The following SEMA3C variants were observed in gnomAD, a reference collection of about 807,000 sequenced individuals.
SEMA3C encodes semaphorin 3C.
SEMA3C carries 47 observed loss-of-function variants against 89.4 expected under a neutral mutation model. The observed-to-expected ratio is 0.53, with a 90% CI of 0.42 to 0.67. The LOEUF (loss-of-function observed/expected upper bound fraction) is 0.67, where lower values mean the gene tolerates loss of function less well. Among genes scored for constraint, SEMA3C ranks in the 30% least tolerant of loss-of-function variants. SEMA3C has a pLI of 0.00. For missense variants in SEMA3C, 839 were observed against 929.1 expected, an observed-to-expected ratio of 0.90 and a Z score of 1.26; for synonymous variants, 310 against 320.2, an observed-to-expected ratio of 0.97 and a Z score of 0.34.
intron 12 of SEMA3C, 48 bp from the exon 13 acceptor site, chr7:80,765,291 A>G: frequency 7.1e-7 from 1 of 1,406,602 alleles, no homozygotes; most frequent in East Asian, 2.3e-5. Flanking sequence ...TTTTTAAAAG[A>G]AAGCTATTTA....
chr7:80,813,644 T>C (rs1220074628), intron 5 of SEMA3C, among the ~76,000 whole-genome samples: 1 of 152,232 alleles, frequency 6.6e-6, no homozygotes, highest in African/African-American at 2.4e-5. Flanking sequence ...TTTCATCTTA[T>C]CTCGTCTTTT....
At chr7:80,764,921 C>A (rs922597379) in intron 13 of SEMA3C, among the ~76,000 whole-genome samples, 2 of 152,092 alleles carry the variant, frequency 1.3e-5, no homozygotes, top group African/African-American at 4.8e-5. Context: ...GTGATGATAG[C>A]TTAAAAACAG....
intron 4 of SEMA3C, among the ~76,000 whole-genome samples, chr7:80,825,277 C>T (rs193006074): frequency 2.2e-4 from 34 of 152,160 alleles, no homozygotes; most frequent in African/African-American, 7.2e-4. Context: ...CTTGCACAGA[C>T]CAAACATGTA....
intron 11 of SEMA3C, 86 bp downstream of exon 11, chr7:80,798,006 A>AC (rs1789107700): frequency 7.3e-7 from 1 of 1,374,320 alleles, no homozygotes; most frequent in East Asian, 2.6e-5. Flanking sequence ...TCAAAAAAAA[A>AC]CCCCAAAAAA....
intron 2 of SEMA3C, among the ~76,000 whole-genome samples, chr7:80,840,429 G>T (rs898211090): frequency 2.0e-5 from 3 of 150,524 alleles, no homozygotes; most frequent in Admixed American, 6.6e-5. Context: ...TGAGGTAGGA[G>T]GATCACTTGA....
Position 80,868,934 on chromosome 7 carries a change from C to T in SEMA3C, c.104-40189G>A, listed in dbSNP as rs187622094. On this transcript the variant is annotated intron_variant, in intron 2 of 17. Transcript: ENST00000265361. ...CGAGGTTTTCTTTTCAAAGGAAATG[C>T]TGCATTATAATACCAAAATGCATAC... Among the ~76,000 whole-genome samples the T allele has an allele frequency of 3.8e-4, 58 of 152,240 alleles. No individual in the cohort carries two copies. In the Middle Eastern group the frequency reaches 0.017, roughly 45 times the overall value.
chr7:80,771,824 C>T (rs1480465012), intron 12 of SEMA3C, among the ~76,000 whole-genome samples: 1 of 152,128 alleles, frequency 6.6e-6, no homozygotes, highest in Non-Finnish European at 1.5e-5. Flanking sequence ...TAAATGTATT[C>T]TAGTCAGGGC....
intron 5 of SEMA3C, among the ~76,000 whole-genome samples, chr7:80,813,714 A>C (rs1341456096): frequency 6.6e-6 from 1 of 152,138 alleles, no homozygotes. Flanking sequence ...TCATCTTAAT[A>C]ATTGGAGGCT....
chr7:80,763,002 T>A (rs2117055901), intron 13 of SEMA3C, among the ~76,000 whole-genome samples: 1 of 152,280 alleles, frequency 6.6e-6, no homozygotes, highest in East Asian at 1.9e-4. Context: ...ATTGTGACAA[T>A]TTTTGATCAT....
At chr7:80,829,666 A>G (rs747305015) in intron 2 of SEMA3C, among the ~76,000 whole-genome samples, 1 of 152,142 alleles carries the variant, frequency 6.6e-6, no homozygotes, top group Non-Finnish European at 1.5e-5. Flanking sequence ...CAGGATCCTC[A>G]GAGGTTAGTG....
chr7:80,896,895 T>C (rs1432563993), intron 2 of SEMA3C, among the ~76,000 whole-genome samples: 1 of 152,128 alleles, frequency 6.6e-6, no homozygotes, highest in African/African-American at 2.4e-5. Flanking sequence ...TTTCTCCCTG[T>C]GTATCTCAAT....
At chr7:80,903,806 G>C (rs1039256800) in intron 2 of SEMA3C, among the ~76,000 whole-genome samples, 2 of 152,054 alleles carry the variant, frequency 1.3e-5, no homozygotes, top group African/African-American at 4.8e-5. Context: ...TGATATACAA[G>C]GAAACAAATG....
intron 15 of SEMA3C, among the ~76,000 whole-genome samples, chr7:80,755,177 A>G (rs898003824): frequency 1.3e-5 from 2 of 151,598 alleles, no homozygotes; most frequent in Non-Finnish European, 1.5e-5. Context: ...GATATTGTAA[A>G]TGCAAAGAAC....
At chr7:80,762,678 T>C (rs1247572145) in intron 13 of SEMA3C, among the ~76,000 whole-genome samples, 1 of 152,040 alleles carries the variant, frequency 6.6e-6, no homozygotes, top group Non-Finnish European at 1.5e-5. Flanking sequence ...CTGAGTATGG[T>C]GGCGCATGCC....
At chr7:80,905,880 C>T (rs1792002150) in intron 2 of SEMA3C, 1 of 1,289,448 alleles carries the variant, frequency 7.8e-7, no homozygotes, top group Admixed American at 2.3e-5. Context: ...CTTTTTGTAC[C>T]CACAGATGTA....
chr7:80,761,223 G>T (rs1788175989), intron 14 of SEMA3C, among the ~76,000 whole-genome samples: 1 of 152,048 alleles, frequency 6.6e-6, no homozygotes, highest in African/African-American at 2.4e-5. Context: ...CAGGAACTCA[G>T]GATTGATTAC....
chr7:80,808,843 C>T (rs1490422844), intron 6 of SEMA3C, among the ~76,000 whole-genome samples: 6 of 152,134 alleles, frequency 3.9e-5, no homozygotes, highest in Admixed American at 2.6e-4. Context: ...GTCGTGATCT[C>T]GGCTCACCAC....
chr7:80,755,942 C>T (rs531333776), intron 15 of SEMA3C, among the ~76,000 whole-genome samples: 27 of 152,210 alleles, frequency 1.8e-4, no homozygotes, highest in Non-Finnish European at 2.8e-4. Flanking sequence ...TCCTCACTAG[C>T]GCCCAAATTA....
At chr7:80,902,919 A>G (rs1562977919) in intron 2 of SEMA3C, among the ~76,000 whole-genome samples, 1 of 152,180 alleles carries the variant, frequency 6.6e-6, no homozygotes, top group Non-Finnish European at 1.5e-5. Context: ...CAGAGACCTA[A>G]GCCAAGATTA....
Sources: allele counts gnomAD v4.1 joint callset (sites outside exome capture counted in the v4.1 genomes callset), GRCh38; gene constraint gnomAD v4.1.1; transcripts MANE v1.5; gene names NCBI Gene and HGNC (gene_info 2026-07-23, HGNC 2026-07-21).